LDLRAD4: variants seen among roughly 807,000 people sequenced by gnomAD.
The protein encoded by LDLRAD4 is low-density lipoprotein receptor class A domain-containing protein 4.
LDLRAD4 carries 5 observed loss-of-function variants against 17.0 expected under a neutral mutation model. That is an observed-to-expected ratio of 0.29 (90% confidence interval 0.15 to 0.62). The LOEUF is 0.62. Ranked by LOEUF, LDLRAD4 falls within the 20% of genes least tolerant of loss-of-function variation. The pLI is 0.84. For synonymous variants in LDLRAD4, 168 were observed against 171.8 expected, an observed-to-expected ratio of 0.98 and a Z score of 0.17; for missense variants, 340 against 424.7, an observed-to-expected ratio of 0.80 and a Z score of 1.75.
At chr18:13,502,065 C>T (rs752315824) in intron 3 of LDLRAD4, among the ~76,000 whole-genome samples, 5 of 152,200 alleles carry the variant, frequency 3.3e-5, no homozygotes, top group Admixed American at 6.5e-5. Flanking sequence ...GCTGCAAATT[C>T]GCGGAAGGCT....
intron 2 of LDLRAD4, among the ~76,000 whole-genome samples, chr18:13,415,450 G>A (rs957700346): frequency 6.6e-6 from 1 of 150,770 alleles, no homozygotes; most frequent in Non-Finnish European, 1.5e-5. Flanking sequence ...CAGCCCTGAG[G>A]CCAAGGCCCC....
chr18:13,468,664 A>G (rs1253784396), intron 3 of LDLRAD4, among the ~76,000 whole-genome samples: 2 of 151,874 alleles, frequency 1.3e-5, no homozygotes, highest in South Asian at 2.1e-4. Context: ...GGAATACTAT[A>G]CAGCCATAAA....
At chr18:13,643,660 A>G (rs1366934511) in intron 5 of LDLRAD4, among the ~76,000 whole-genome samples, 1 of 152,250 alleles carries the variant, frequency 6.6e-6, no homozygotes, top group African/African-American at 2.4e-5. Context: ...TTATCTTTAC[A>G]TGATCCCGTA....
chr18:13,332,933 C>T (rs958752573), intron 1 of LDLRAD4, among the ~76,000 whole-genome samples: 17 of 152,016 alleles, frequency 1.1e-4, no homozygotes, highest in African/African-American at 3.4e-4. Context: ...TAAATACCAA[C>T]GAGCGCAATT....
chr18:13,611,331 C>G (rs1206145169), intron 3 of LDLRAD4: 1 of 259,184 alleles, frequency 3.9e-6, no homozygotes, highest in Admixed American at 6.5e-5. Context: ...AAAGGCTATT[C>G]TGGGCTCCCG....
At chr18:13,524,601 A>G (rs1006687563) in intron 3 of LDLRAD4, among the ~76,000 whole-genome samples, 3 of 152,230 alleles carry the variant, frequency 2.0e-5, no homozygotes, top group African/African-American at 7.2e-5. Flanking sequence ...TTCCAAGCTC[A>G]GTGGCTTCAA....
intron 1 of LDLRAD4, among the ~76,000 whole-genome samples, chr18:13,342,915 T>A (rs2082458054): frequency 6.6e-6 from 1 of 152,080 alleles, no homozygotes; most frequent in Admixed American, 6.6e-5. Flanking sequence ...TTCTTATAGC[T>A]TTTTTGTTTC....
chr18:13,329,457 A>C (rs1167835530), intron 1 of LDLRAD4, among the ~76,000 whole-genome samples: 5 of 152,004 alleles, frequency 3.3e-5, no homozygotes, highest in Non-Finnish European at 7.4e-5. Context: ...ATTTTCTTTT[A>C]CTGTCTGGTC....
intron 3 of LDLRAD4, among the ~76,000 whole-genome samples, chr18:13,508,373 T>C (rs1940920): frequency 0.38 from 57,495 of 152,088 alleles, 11,916 homozygotes; most frequent in Middle Eastern, 0.56. Flanking sequence ...CTGCACTAAA[T>C]AACAGATTTT....
At chr18:13,449,009 C>G (rs1286706053) in intron 3 of LDLRAD4, among the ~76,000 whole-genome samples, 3 of 152,196 alleles carry the variant, frequency 2.0e-5, no homozygotes, top group Non-Finnish European at 2.9e-5. Context: ...ACTCCTTCAT[C>G]CATTCTTGTT....
At chr18:13,569,880 G>A (rs562464869) in intron 3 of LDLRAD4, among the ~76,000 whole-genome samples, 1 of 152,164 alleles carries the variant, frequency 6.6e-6, no homozygotes, top group Admixed American at 6.5e-5. Context: ...GTGAGACTCT[G>A]TCTCAAAAAA....
chr18:13,572,600 G>A (rs185238358), intron 3 of LDLRAD4, among the ~76,000 whole-genome samples: 148 of 152,340 alleles, frequency 9.7e-4, no homozygotes, highest in African/African-American at 3.4e-3. Flanking sequence ...GCAGGGAAGG[G>A]AAGAGTCAGC....
chr18:13,515,697 A>G (rs1329964869), intron 3 of LDLRAD4: 7 of 152,254 alleles, frequency 4.6e-5, no homozygotes, highest in African/African-American at 1.7e-4. Context: ...ATGACACAAG[A>G]TTTGGAGAGC....
chr18:13,446,500 A>C (rs2091415133), intron 3 of LDLRAD4, among the ~76,000 whole-genome samples: 1 of 152,236 alleles, frequency 6.6e-6, no homozygotes, highest in Non-Finnish European at 1.5e-5. Context: ...GATTATGAAA[A>C]ATTAACCTAA....
At chr18:13,456,052 G>A (rs551713501) in intron 3 of LDLRAD4, among the ~76,000 whole-genome samples, 1 of 152,044 alleles carries the variant, frequency 6.6e-6, no homozygotes, top group African/African-American at 2.4e-5. Context: ...CCCAGCATAT[G>A]GAGGAGAAGT....
chr18:13,410,000 C>T (rs1280264111), intron 2 of LDLRAD4, among the ~76,000 whole-genome samples: 5 of 152,216 alleles, frequency 3.3e-5, no homozygotes, highest in South Asian at 2.1e-4. Flanking sequence ...CAGGGCACGA[C>T]GCACTGAGTG....
chr18:13,573,139 C>G (rs970100837), intron 3 of LDLRAD4, among the ~76,000 whole-genome samples: 1 of 152,176 alleles, frequency 6.6e-6, no homozygotes, highest in South Asian at 2.1e-4. Flanking sequence ...GAGTCTCGCT[C>G]TGTTGCCCAG....
chr18:13,493,819 G>T (rs1470463864), intron 3 of LDLRAD4, among the ~76,000 whole-genome samples: 1 of 152,192 alleles, frequency 6.6e-6, no homozygotes, highest in Non-Finnish European at 1.5e-5. Context: ...AAGCCCAGCC[G>T]TGCCGTCCCT....
chr18:13,354,176 A>G (rs568773391), intron 1 of LDLRAD4, among the ~76,000 whole-genome samples: 5 of 152,292 alleles, frequency 3.3e-5, no homozygotes, highest in East Asian at 1.9e-4. Context: ...ACCTGTGAGT[A>G]GCCATTGCCC....
Sources: allele counts gnomAD v4.1 joint callset (sites outside exome capture counted in the v4.1 genomes callset), GRCh38; gene constraint gnomAD v4.1.1; transcripts MANE v1.5; gene names NCBI Gene and HGNC (gene_info 2026-07-23, HGNC 2026-07-21).